Variants in SCARA3 observed in about 807,000 individuals in gnomAD.
SCARA3 encodes the protein scavenger receptor class A member 3, also known as cellular stress response gene protein.
Under a neutral mutation model 47.0 loss-of-function variants are expected in SCARA3, and 39 were observed. The observed-to-expected ratio is 0.83, with a 90% CI of 0.64 to 1.08. The LOEUF is 1.08. Ranked by LOEUF, SCARA3 falls within the 50% of genes least tolerant of loss-of-function variation. The probability of loss-of-function intolerance (pLI) is 0.00; values close to 1 mark genes in which losing one functional copy is unlikely to be tolerated. For synonymous variants in SCARA3, 356 were observed against 334.1 expected, an observed-to-expected ratio of 1.07 and a Z score of -0.71; for missense variants, 724 against 792.3, an observed-to-expected ratio of 0.91 and a Z score of 1.04.
At chr8:27,694,756 G>A in the SCARA3 span, among the ~76,000 whole-genome samples, 2 of 152,290 alleles carry the variant, frequency 1.3e-5, no homozygotes, top group East Asian at 1.9e-4. Flanking sequence ...GCAGAGGACA[G>A]GGAGGAGGAA....
chr8:27,645,908 A>T (rs897090984), intron 1 of SCARA3, among the ~76,000 whole-genome samples: 1 of 152,212 alleles, frequency 6.6e-6, no homozygotes, highest in African/African-American at 2.4e-5. Context: ...TTATTCATCC[A>T]TACATATTCT....
intron 1 of SCARA3, among the ~76,000 whole-genome samples, chr8:27,645,920 A>C (rs1801482522): frequency 6.6e-6 from 1 of 152,178 alleles, no homozygotes; most frequent in African/African-American, 2.4e-5. Flanking sequence ...ACATATTCTG[A>C]TCAGAACAAT....
the SCARA3 span, among the ~76,000 whole-genome samples, chr8:27,715,758 A>C: frequency 2.6e-5 from 4 of 152,120 alleles, no homozygotes; most frequent in Non-Finnish European, 4.4e-5. The surrounding 1 kb of genome is among the most constrained non-coding windows in gnomAD (Gnocchi z 4.2). Context: ...ACAGACAGAT[A>C]GTAGACAGAC....
At chr8:27,719,954 C>A in the SCARA3 span, among the ~76,000 whole-genome samples, 1 of 152,012 alleles carries the variant, frequency 6.6e-6, no homozygotes, top group African/African-American at 2.4e-5. Context: ...TTACAGAAAG[C>A]CAAGGAACAC....
At chr8:27,710,915 ATTTTTTTT>A in the SCARA3 span, among the ~76,000 whole-genome samples, 3 of 96,784 alleles carry the variant, frequency 3.1e-5, no homozygotes, top group African/African-American at 8.4e-5. Context: ...CTCATAGGTG[ATTTTTTTT>A]TTTTTTTTTT....
Position 27,671,366 on chromosome 8 carries a change from G to C in SCARA3, c.*15G>C. On this transcript the variant is annotated 3_prime_UTR_variant, in exon 6 of 6. Transcript: ENST00000301904. ...GCTTCTACTGAGGAGGGCTGTGGCA[G>C]AGCCACTGTCACACAGAATGCCGGA... is the stretch of plus-strand genomic sequence containing the variant. 11 of 1,404,396 alleles carry C rather than the reference G, an allele frequency of 7.8e-6. No individual in the cohort carries two copies. Among genetic ancestry groups the C allele is most frequent in the Non-Finnish European group, 1.0e-5 (11 of 1,082,712 alleles). 87.0% of individuals were successfully genotyped at this position (1,404,396 alleles called of 1,614,324 possible).
chr8:27,642,652 G>T (rs1801407222), intron 1 of SCARA3, among the ~76,000 whole-genome samples: 1 of 152,192 alleles, frequency 6.6e-6, no homozygotes, highest in South Asian at 2.1e-4. Flanking sequence ...GTGAGATCTT[G>T]TCTCTACAAA....
chr8:27,634,211 A>G lies in SCARA3; in HGVS notation c.7+4A>G. 7.3e-7 allele frequency: 1 copy of G among 1,373,466 alleles called. No individual in the cohort carries two copies. The allele number at this position is 1,373,466 out of a possible 1,614,324, so 85.1% of individuals were successfully genotyped here. Reference sequence around the variant, plus strand: ...CCAGAGGAAGAGACCATGAAAGGTAAGGGCGGCCTGTCGGGGGCAGCTCCG... The same window carrying G: ...CCAGAGGAAGAGACCATGAAAGGTAGGGGCGGCCTGTCGGGGGCAGCTCCG... On this transcript the variant is annotated splice_donor_region_variant and intron_variant, in intron 1 of 5. Coordinates refer to ENST00000301904, the MANE Select transcript of SCARA3 (RefSeq NM_016240.3).
chr8:27,710,914 G>GTT, the SCARA3 span, among the ~76,000 whole-genome samples: 39 of 126,398 alleles, frequency 3.1e-4, no homozygotes, highest in African/African-American at 1.1e-3. Flanking sequence ...TCTCATAGGT[G>GTT]ATTTTTTTTT....
intron 3 of SCARA3, among the ~76,000 whole-genome samples, chr8:27,652,632 T>G (rs1167857600): frequency 7.2e-5 from 11 of 152,204 alleles, no homozygotes; most frequent in Non-Finnish European, 1.6e-4. Flanking sequence ...GCCAGCATAC[T>G]AATGATTTGA....
chr8:27,670,773 T>G, intron 5 of SCARA3, 127 bp from the exon 6 acceptor site: 24 of 713,898 alleles, frequency 3.4e-5, no homozygotes, highest in Non-Finnish European at 5.3e-5. Context: ...AGCCTTGCAG[T>G]GAGAAATGAG....
the SCARA3 span, among the ~76,000 whole-genome samples, chr8:27,707,429 C>T: frequency 9.3e-5 from 14 of 150,894 alleles, no homozygotes; most frequent in African/African-American, 3.2e-4. Flanking sequence ...GAACTAGCTG[C>T]TATGAAAAAA....
At chr8:27,694,110 T>A in the SCARA3 span, among the ~76,000 whole-genome samples, 1 of 152,222 alleles carries the variant, frequency 6.6e-6, no homozygotes, top group Admixed American at 6.5e-5. Context: ...GTTCACAATT[T>A]GAATCCTTGC....
At chr8:27,663,324 T>C (rs1467746024) in intron 5 of SCARA3, among the ~76,000 whole-genome samples, 1 of 152,236 alleles carries the variant, frequency 6.6e-6, no homozygotes, top group Admixed American at 6.5e-5. Context: ...GAATCTTCTC[T>C]TCCTCCATCA....
At chr8:27,701,095 A>T in the SCARA3 span, 10 of 152,124 alleles carry the variant, frequency 6.6e-5, no homozygotes, top group Admixed American at 5.9e-4. Context: ...CAGTAAAAAA[A>T]AAACAAAAAA....
At chr8:27,693,480 T>C in the SCARA3 span, among the ~76,000 whole-genome samples, 2 of 152,220 alleles carry the variant, frequency 1.3e-5, no homozygotes, top group African/African-American at 4.8e-5. Flanking sequence ...GAGAGACTAT[T>C]ATAGAGTGGA....
At chr8:27,709,167 A>G in the SCARA3 span, among the ~76,000 whole-genome samples, 1 of 152,258 alleles carries the variant, frequency 6.6e-6, no homozygotes, top group East Asian at 1.9e-4. Context: ...AAGGCAAGGA[A>G]TCAGGCAGGC....
intron 5 of SCARA3, among the ~76,000 whole-genome samples, chr8:27,668,808 C>T (rs1215480555): frequency 1.3e-5 from 2 of 152,282 alleles, no homozygotes; most frequent in South Asian, 2.1e-4. Context: ...CACTGCATTC[C>T]AGCCACAACA....
chr8:27,701,548 T>A, the SCARA3 span: 1 of 151,908 alleles, frequency 6.6e-6, no homozygotes, highest in Non-Finnish European at 1.5e-5. Flanking sequence ...AAGTAGCTTT[T>A]TCTTTCCTTC....
Sources: allele counts gnomAD v4.1 joint callset (sites outside exome capture counted in the v4.1 genomes callset), GRCh38; gene constraint gnomAD v4.1.1; non-coding constraint Gnocchi (gnomAD v3.1); transcripts MANE v1.5; gene names NCBI Gene and HGNC (gene_info 2026-07-23, HGNC 2026-07-21).